KIF6: variants seen among roughly 807,000 people sequenced by gnomAD.
KIF6 encodes the protein kinesin-like protein KIF6.
KIF6 carries 106 observed loss-of-function variants against 112.7 expected under a neutral mutation model. The observed-to-expected ratio is 0.94, with a 90% confidence interval of 0.80 to 1.11. The LOEUF (loss-of-function observed/expected upper bound fraction) is 1.11. Among genes scored for constraint, KIF6 ranks in the 50% least tolerant of loss-of-function variants. KIF6 has a pLI of 0.00. For synonymous variants in KIF6, 339 were observed against 339.9 expected, an observed-to-expected ratio of 1.00 and a Z score of 0.03; for missense variants, 929 against 964.0, an observed-to-expected ratio of 0.96 and a Z score of 0.48.
intron 2 of KIF6, among the ~76,000 whole-genome samples, chr6:39,716,285 A>ACTAAAATGTAATTTTTAGTAT (rs6149539): frequency 6.6e-6 from 1 of 151,810 alleles, no homozygotes; most frequent in Non-Finnish European, 1.5e-5. Context: ...TTTAAATTAA[A>ACTAAAATGTAATTTTTAGTAT]AATATCTATA....
intron 13 of KIF6, among the ~76,000 whole-genome samples, chr6:39,471,821 C>G (rs1774131428): frequency 6.6e-6 from 1 of 152,076 alleles, no homozygotes; most frequent in African/African-American, 2.4e-5. Context: ...TATAGCATGA[C>G]CTTCTGAAGA....
intron 14 of KIF6, among the ~76,000 whole-genome samples, chr6:39,426,211 C>T (rs1031679884): frequency 4.6e-5 from 7 of 152,200 alleles, no homozygotes; most frequent in African/African-American, 1.7e-4. Context: ...AGGGATGAGT[C>T]ATGCCTGGAA....
chr6:39,544,615 A>G lies in KIF6; in HGVS notation c.1366T>C (p.Leu456=), dbSNP rs764028499. ...AGCTTTCTATATTCTTCTTCTTTTA[A>G]TGGTTCTTGACAATCTTGGTCTTTG... is the stretch of plus-strand genomic sequence containing the variant. ...ESKDQDCQEP[L]KEEEYRKLRD... is the part of the protein sequence containing the mutation. The change falls in exon 12 of 23, where the codon TTA becomes CTA. Residue 456 remains leucine, a synonymous_variant. Coordinates refer to ENST00000287152, the MANE Select transcript of KIF6 (RefSeq NM_145027.6). 1.9e-6 allele frequency: 3 copies of G among 1,612,206 alleles called. No homozygotes were observed. The highest frequency in any genetic ancestry group is 1.7e-6 in the Non-Finnish European group (2 of 1,178,702).
At chr6:39,661,216 T>A (rs1786124949) in intron 3 of KIF6, among the ~76,000 whole-genome samples, 1 of 152,222 alleles carries the variant, frequency 6.6e-6, no homozygotes, top group Non-Finnish European at 1.5e-5. Context: ...TAATAATAAT[T>A]TTTTAAATGG....
chr6:39,400,555 T>C (rs1768621735), intron 15 of KIF6, among the ~76,000 whole-genome samples: 1 of 152,202 alleles, frequency 6.6e-6, no homozygotes, highest in East Asian at 1.9e-4. Flanking sequence ...AAGGAATTAA[T>C]AAAGGAATCT....
intron 7 of KIF6, among the ~76,000 whole-genome samples, chr6:39,591,753 G>A (rs997040995): frequency 1.3e-5 from 2 of 152,202 alleles, no homozygotes; most frequent in African/African-American, 4.8e-5. Context: ...TGAGGCTGGT[G>A]TGAGTTCTTA....
intron 13 of KIF6, among the ~76,000 whole-genome samples, chr6:39,437,833 TGTG>T (rs1415222119): frequency 6.6e-6 from 1 of 152,242 alleles, no homozygotes; most frequent in African/African-American, 2.4e-5. Context: ...GTCACATGTT[TGTG>T]GTGATGCTGG....
At chr6:39,551,369 A>G in intron 10 of KIF6, among the ~76,000 whole-genome samples, 1 of 152,184 alleles carries the variant, frequency 6.6e-6, no homozygotes, top group East Asian at 1.9e-4. Context: ...GAGGATAAAG[A>G]GAGGATGGTT....
intron 3 of KIF6, among the ~76,000 whole-genome samples, chr6:39,697,948 T>A (rs183363179): frequency 6.6e-6 from 1 of 152,218 alleles, no homozygotes; most frequent in Non-Finnish European, 1.5e-5. Context: ...AGTGTCTATC[T>A]TAATATCTCC....
chr6:39,556,353 A>G (rs183960257), intron 10 of KIF6, among the ~76,000 whole-genome samples: 6 of 152,282 alleles, frequency 3.9e-5, no homozygotes, highest in Non-Finnish European at 8.8e-5. Flanking sequence ...AAAATGTGGA[A>G]GATAAGCCAC....
intron 15 of KIF6, among the ~76,000 whole-genome samples, chr6:39,410,782 T>A (rs1769420232): frequency 6.6e-6 from 1 of 152,150 alleles, no homozygotes; most frequent in African/African-American, 2.4e-5. Context: ...TAGCAAAAAA[T>A]CTTCACACAG....
intron 16 of KIF6, among the ~76,000 whole-genome samples, chr6:39,371,132 T>C (rs1765946755): frequency 1.3e-5 from 2 of 152,102 alleles, no homozygotes; most frequent in Admixed American, 1.3e-4. Flanking sequence ...GAATTTGGAG[T>C]TGGGAAAAAA....
At chr6:39,448,102 C>T (rs772361690) in intron 13 of KIF6, among the ~76,000 whole-genome samples, 3 of 152,144 alleles carry the variant, frequency 2.0e-5, no homozygotes, top group Admixed American at 6.5e-5. Flanking sequence ...CTCCATCAGC[C>T]TCGGTCTCTG....
intron 9 of KIF6, among the ~76,000 whole-genome samples, chr6:39,580,983 CAT>C (rs1781256247): frequency 6.6e-6 from 1 of 152,024 alleles, no homozygotes; most frequent in Non-Finnish European, 1.5e-5. Context: ...CATGATAGTA[CAT>C]GTCATATTAA....
At chr6:39,516,604 G>A (rs1777099683) in intron 13 of KIF6, among the ~76,000 whole-genome samples, 1 of 151,752 alleles carries the variant, frequency 6.6e-6, no homozygotes, top group Non-Finnish European at 1.5e-5. Flanking sequence ...AGACTGGGGT[G>A]AGTTGTCAAA....
chr6:39,343,184 CT>C lies in KIF6; in HGVS notation c.2428+524del. Reference sequence around the variant, plus strand: ...GGCAGTGATGCAGACCAAGAAGAGCCTTCTTCTCTTCCTGTTGTCTGACACG... The same window carrying C: ...GGCAGTGATGCAGACCAAGAAGAGCCTCTTCTCTTCCTGTTGTCTGACACG... On this transcript the variant is annotated intron_variant, in intron 22 of 22. Coordinates refer to ENST00000287152, the MANE Select transcript of KIF6 (RefSeq NM_145027.6). This position sits in a 1 kb window ranked among gnomAD's most constrained non-coding sequence, Gnocchi z 4.1. The C allele has an allele frequency of 1.0e-6, 1 of 985,326 alleles. No individual in the cohort carries two copies. Among genetic ancestry groups the C allele is most frequent in the African/African-American group, 1.7e-5 (1 of 57,332 alleles). The allele number at this position is 985,326 out of a possible 1,614,324, so 61.0% of individuals were successfully genotyped here. A position where few individuals can be genotyped will look rare whatever the true frequency, so the allele number is the denominator to read the frequency against.
intron 10 of KIF6, among the ~76,000 whole-genome samples, chr6:39,560,108 C>T (rs772227674): frequency 9.9e-5 from 15 of 152,142 alleles, no homozygotes; most frequent in Admixed American, 2.6e-4. Context: ...TGGAGCTGAC[C>T]GGTGGGTGCT....
chr6:39,587,826 A>C (rs1207236802), intron 7 of KIF6, among the ~76,000 whole-genome samples: 1 of 152,120 alleles, frequency 6.6e-6, no homozygotes, highest in Non-Finnish European at 1.5e-5. Context: ...CTCTCTTCTG[A>C]ATTAATTTCC....
At chr6:39,405,737 T>C (rs1213802314) in intron 15 of KIF6, among the ~76,000 whole-genome samples, 1 of 152,206 alleles carries the variant, frequency 6.6e-6, no homozygotes, top group Non-Finnish European at 1.5e-5. Context: ...TTCTGTTTTC[T>C]GGAAGAGATT....
Sources: gnomAD v4.1 joint callset for allele counts (sites outside exome capture counted in the v4.1 genomes callset) on GRCh38, gnomAD v4.1.1 for gene constraint, Gnocchi (gnomAD v3.1) non-coding constraint, MANE v1.5 for transcripts, NCBI Gene and HGNC (gene_info 2026-07-23, HGNC 2026-07-21) for gene names.